Variants in ERBB4 observed in about 807,000 individuals in gnomAD.
The protein encoded by ERBB4 is erb-b2 receptor tyrosine kinase 4.
Under a neutral mutation model 158.0 loss-of-function variants are expected in ERBB4, and 42 were observed. That is an observed-to-expected ratio of 0.27 (90% confidence interval 0.21 to 0.34). The LOEUF is 0.34. ERBB4 is among the 10% of genes least tolerant of loss of function. The pLI, the probability that ERBB4 is intolerant of heterozygous loss-of-function variation, is 1.00. For synonymous variants in ERBB4, 583 were observed against 558.7 expected (o/e 1.04, Z -0.61); for missense variants, 1,333 against 1,624.1 (o/e 0.82, Z 3.08).
At chr2:212,355,375 T>C (rs909484268) in intron 1 of ERBB4, among the ~76,000 whole-genome samples, 2 of 152,062 alleles carry the variant, frequency 1.3e-5, no homozygotes, top group African/African-American at 4.8e-5. Context: ...AGGGGAAACA[T>C]GGTTTGAAGT....
At chr2:211,755,055 C>T (rs1042812705) in intron 4 of ERBB4, among the ~76,000 whole-genome samples, 42 of 151,984 alleles carry the variant, frequency 2.8e-4, no homozygotes, top group Admixed American at 7.2e-4. Context: ...TTACTAAAAA[C>T]GAAGAATCTG....
intron 1 of ERBB4, among the ~76,000 whole-genome samples, chr2:212,329,108 C>T (rs973759664): frequency 6.6e-6 from 1 of 151,938 alleles, no homozygotes; most frequent in South Asian, 2.1e-4. Flanking sequence ...TTACTGAGAG[C>T]TTGTTATTTC....
At chr2:211,881,385 C>T (rs1256608722) in intron 3 of ERBB4, among the ~76,000 whole-genome samples, 1 of 152,134 alleles carries the variant, frequency 6.6e-6, no homozygotes, top group Non-Finnish European at 1.5e-5. Context: ...GCCTGAAATA[C>T]TGAGCCGCAA....
At chr2:212,057,625 C>T (rs543345200) in intron 2 of ERBB4, among the ~76,000 whole-genome samples, 1 of 152,330 alleles carries the variant, frequency 6.6e-6, no homozygotes, top group South Asian at 2.1e-4. Flanking sequence ...GATTAAGAAA[C>T]TCCCTCAAAA....
chr2:212,233,618 ACACT>A (rs1457228039), intron 1 of ERBB4, among the ~76,000 whole-genome samples: 1 of 152,178 alleles, frequency 6.6e-6, no homozygotes, highest in African/African-American at 2.4e-5. Context: ...CTTTTATTAA[ACACT>A]CAATTTCTGT....
At chr2:211,580,824 T>TAGATTATA (rs1491111562) in intron 19 of ERBB4, among the ~76,000 whole-genome samples, 11 of 13,504 alleles carry the variant, frequency 8.1e-4, no homozygotes, top group African/African-American at 1.1e-3. Context: ...TATATATATA[T>TAGATTATA]TATATATATA....
chr2:212,116,464 T>G (rs1276266372), intron 2 of ERBB4, among the ~76,000 whole-genome samples: 1 of 152,234 alleles, frequency 6.6e-6, no homozygotes, highest in East Asian at 1.9e-4. Flanking sequence ...TTGTTTTTTC[T>G]TGAGACAGGG....
At chr2:211,774,692 C>G (rs2075828442) in intron 4 of ERBB4, among the ~76,000 whole-genome samples, 2 of 151,496 alleles carry the variant, frequency 1.3e-5, no homozygotes, top group South Asian at 4.3e-4. Context: ...TTTTGGTAAA[C>G]AGGCAAGGTA....
chr2:211,776,306 T>C (rs1463336958), intron 4 of ERBB4, among the ~76,000 whole-genome samples: 1 of 152,226 alleles, frequency 6.6e-6, no homozygotes, highest in African/African-American at 2.4e-5. Context: ...ATGGCTGTGG[T>C]GGCTGGCATG....
At chr2:212,454,185 C>T (rs1480544842) in intron 1 of ERBB4, among the ~76,000 whole-genome samples, 1 of 152,082 alleles carries the variant, frequency 6.6e-6, no homozygotes, top group Non-Finnish European at 1.5e-5. Context: ...ATGGTCTACC[C>T]GCCTCGGCCT....
At chr2:212,232,265 C>T (rs1187161053) in intron 1 of ERBB4, among the ~76,000 whole-genome samples, 1 of 151,964 alleles carries the variant, frequency 6.6e-6, no homozygotes, top group Non-Finnish European at 1.5e-5. Context: ...ATATTCTAAC[C>T]TTAATGGGAA....
intron 3 of ERBB4, among the ~76,000 whole-genome samples, chr2:211,836,940 G>A (rs2077356626): frequency 6.6e-6 from 1 of 151,928 alleles, no homozygotes; most frequent in African/African-American, 2.4e-5. Context: ...GTAGAAGTAA[G>A]AGAAAAGTTT....
At chr2:211,713,782 C>T (rs2073797488) in intron 7 of ERBB4, 134 bp from the exon 8 acceptor site, 2 of 647,970 alleles carry the variant, frequency 3.1e-6, no homozygotes, top group East Asian at 5.4e-5. Flanking sequence ...CCTTAAACAA[C>T]TCTTTGTTTA....
chr2:211,453,825 A>T (rs1259118314), intron 20 of ERBB4, among the ~76,000 whole-genome samples: 2 of 152,206 alleles, frequency 1.3e-5, no homozygotes, highest in Non-Finnish European at 2.9e-5. Context: ...TTGTTTTAAC[A>T]TACTTATACC....
intron 20 of ERBB4, among the ~76,000 whole-genome samples, chr2:211,487,535 C>T (rs1027190244): frequency 1.3e-5 from 2 of 151,982 alleles, no homozygotes; most frequent in Admixed American, 1.3e-4. Flanking sequence ...TGCAACTTGA[C>T]ATTTTAAAAA....
chr2:211,954,382 C>T (rs1337732693), intron 2 of ERBB4, among the ~76,000 whole-genome samples: 1 of 151,966 alleles, frequency 6.6e-6, no homozygotes, highest in African/African-American at 2.4e-5. Flanking sequence ...ATGTTTATTA[C>T]TTATTTTTCT....
chr2:211,400,165 T>C (rs2063003850), intron 25 of ERBB4, among the ~76,000 whole-genome samples: 1 of 152,020 alleles, frequency 6.6e-6, no homozygotes, highest in Admixed American at 6.6e-5. Flanking sequence ...CTTAAAAAAG[T>C]GTTCTCTAAG....
chr2:211,409,047 CAAAAT>C (rs2063202448), intron 25 of ERBB4, among the ~76,000 whole-genome samples: 1 of 152,058 alleles, frequency 6.6e-6, no homozygotes. Flanking sequence ...ATTTAAAAAA[CAAAAT>C]AAATAAAGTA....
At chr2:212,070,942 T>C (rs1433942612) in intron 2 of ERBB4, among the ~76,000 whole-genome samples, 2 of 151,964 alleles carry the variant, frequency 1.3e-5, no homozygotes, top group South Asian at 4.1e-4. Flanking sequence ...ATTCTTATTA[T>C]GTTTTAAAAT....
Sources: allele counts gnomAD v4.1 joint callset (sites outside exome capture counted in the v4.1 genomes callset), GRCh38; gene constraint gnomAD v4.1.1; transcripts MANE v1.5; gene names NCBI Gene and HGNC (gene_info 2026-07-23, HGNC 2026-07-21).